The following MGST1 variants were observed in gnomAD, a reference collection of about 807,000 sequenced individuals.
MGST1 encodes microsomal glutathione S-transferase 1.
MGST1 carries 5 observed loss-of-function variants against 8.9 expected under a neutral mutation model. That is an observed-to-expected ratio of 0.56 (90% CI 0.29 to 1.19). The LOEUF (loss-of-function observed/expected upper bound fraction) is 1.19, where lower values mean the gene tolerates loss of function less well. Ranked by LOEUF, MGST1 falls within the 50% of genes most tolerant of loss-of-function variation. The pLI, the probability that MGST1 is intolerant of heterozygous loss-of-function variation, is 0.08. For synonymous variants in MGST1, 54 were observed against 67.8 expected (o/e 0.80, Z 1.00); for missense variants, 182 against 187.4 (o/e 0.97, Z 0.17).
chr12:16,530,249 T>G (rs565570142), intron 4 of MGST1, among the ~76,000 whole-genome samples: 5 of 152,286 alleles, frequency 3.3e-5, no homozygotes, highest in Admixed American at 6.5e-5. Flanking sequence ...GATTAAGTTT[T>G]TATCATAATA....
intron 1 of MGST1, among the ~76,000 whole-genome samples, chr12:16,388,177 C>T (rs538292643): frequency 6.6e-6 from 1 of 151,782 alleles, no homozygotes; most frequent in Admixed American, 6.6e-5. Context: ...TACTTTTGCA[C>T]CAACCATGTT....
chr12:16,475,460 T>A (rs1420595080), intron 4 of MGST1, among the ~76,000 whole-genome samples: 1 of 152,250 alleles, frequency 6.6e-6, no homozygotes, highest in Non-Finnish European at 1.5e-5. Flanking sequence ...TGATTCCCAT[T>A]GCTTTTGATG....
In MGST1 at chr12:16,497,551, AATTTC is replaced by A. The variant is rs1394109653; in HGVS notation, n.483-91969_483-91965del. ...GTAAACAGATATTTCAATTTCTATA[AATTTC>A]ATTTCATATTTTATGTCTCAGTGCA... is the stretch of plus-strand genomic sequence containing the variant. On this transcript the variant is annotated intron_variant and non_coding_transcript_variant, in intron 4 of 4. Transcript: ENST00000538857. The surrounding 1 kb of genome is among the most constrained non-coding windows in gnomAD (Gnocchi z 4.4). 2.0e-5 allele frequency among the ~76,000 whole-genome samples: 3 copies of A among 152,250 alleles called. No homozygotes were observed. Among genetic ancestry groups the A allele is most frequent in the Non-Finnish European group, 4.4e-5 (3 of 68,004 alleles).
intron 4 of MGST1, among the ~76,000 whole-genome samples, chr12:16,446,998 T>A (rs747991342): frequency 2.0e-5 from 3 of 151,944 alleles, no homozygotes; most frequent in Non-Finnish European, 4.4e-5. Context: ...CTTTGCAGCA[T>A]GCCTATTTCC....
At chr12:16,380,509 A>G (rs1340673623), downstream of MGST1, among the ~76,000 whole-genome samples, 1 of 152,058 alleles carries the variant, frequency 6.6e-6, no homozygotes, top group Non-Finnish European at 1.5e-5. Flanking sequence ...TCTGAGAGAC[A>G]GTTTGTTATA....
rs1040786212 is a variant in MGST1 at position 16,513,880 on chromosome 12, C to T, written n.483-75648C>T. ...CAAACCAACCTGGGGAAGTCGCACA[C>T]CCATCTTCAGGGATACTGGCATGCA... On this transcript the variant is annotated intron_variant and non_coding_transcript_variant, in intron 4 of 4. Transcript: ENST00000538857. The surrounding 1 kb of genome is among the most constrained non-coding windows in gnomAD (Gnocchi z 4.2). 9.9e-6 allele frequency: 6 copies of T among 606,250 alleles called. No homozygotes were observed. In the African/African-American group the frequency reaches 1.1e-4, roughly 11 times the overall value. 37.6% of individuals were successfully genotyped at this position (606,250 alleles called of 1,614,324 possible).
intron 1 of MGST1, among the ~76,000 whole-genome samples, chr12:16,388,159 A>C (rs1289133381): frequency 6.6e-6 from 1 of 151,840 alleles, no homozygotes; most frequent in East Asian, 2.0e-4. Context: ...GATGACAAAA[A>C]CTGCAATTAC....
At chr12:16,394,930 T>A (rs1940592098) in intron 1 of MGST1, among the ~76,000 whole-genome samples, 1 of 152,058 alleles carries the variant, frequency 6.6e-6, no homozygotes, top group African/African-American at 2.4e-5. Flanking sequence ...TCATAGTTTT[T>A]TTTATATACT....
At chr12:16,472,191 T>C (rs565423546) in intron 4 of MGST1, among the ~76,000 whole-genome samples, 33 of 152,316 alleles carry the variant, frequency 2.2e-4, no homozygotes, top group African/African-American at 7.9e-4. Flanking sequence ...TTGTGTAATC[T>C]TTCAGCCAAC....
rs139019287 is a variant in MGST1, at chr12:16,370,874, T to G, written c.222-5248T>G. ...AAATATGAATATCAAGATGTGGAAA[T>G]AATTATAGCAGAAAGCTTATAGCCT... On this transcript the variant is annotated intron_variant, in intron 3 of 3. Coordinates refer to the MGST1 transcript ENST00000535309. Among the ~76,000 whole-genome samples, 451 of 152,280 alleles carry G rather than the reference T, an allele frequency of 3.0e-3. 2 individuals carry two copies. The highest frequency in any genetic ancestry group is 9.5e-3 in the African/African-American group (395 of 41,550).
chr12:16,443,060 A>C (rs181135010), downstream of MGST1, among the ~76,000 whole-genome samples: 1 of 151,940 alleles, frequency 6.6e-6, no homozygotes, highest in Admixed American at 6.6e-5. Context: ...GAGCCATACA[A>C]GTTTAGGGTT....
intron 4 of MGST1, among the ~76,000 whole-genome samples, chr12:16,479,862 C>T (rs914809984): frequency 5.9e-5 from 9 of 152,054 alleles, no homozygotes; most frequent in African/African-American, 2.2e-4. Flanking sequence ...AGGTTCACAG[C>T]AAAACAGAGT....
intron 4 of MGST1, among the ~76,000 whole-genome samples, chr12:16,474,610 A>C (rs900814272): frequency 6.6e-6 from 1 of 152,158 alleles, no homozygotes; most frequent in Non-Finnish European, 1.5e-5. Context: ...CACTGAACAC[A>C]CAAATTCATA....
intron 3 of MGST1, among the ~76,000 whole-genome samples, chr12:16,360,023 A>G (rs184565756): frequency 2.0e-5 from 3 of 152,330 alleles, no homozygotes; most frequent in Admixed American, 2.0e-4. Context: ...AATTGACCCC[A>G]GTTCTGTAAA....
At chr12:16,510,131 A>G (rs1218096163) in intron 4 of MGST1, among the ~76,000 whole-genome samples, 1 of 152,200 alleles carries the variant, frequency 6.6e-6, no homozygotes, top group Non-Finnish European at 1.5e-5. Context: ...CTTCTTGCTG[A>G]CTTCTACGTC....
intron 4 of MGST1, among the ~76,000 whole-genome samples, chr12:16,467,192 T>C (rs1398396694): frequency 6.6e-6 from 1 of 152,196 alleles, no homozygotes; most frequent in Non-Finnish European, 1.5e-5. Flanking sequence ...GAAAGATGCA[T>C]TGCATGAAAG....
intron 4 of MGST1, among the ~76,000 whole-genome samples, chr12:16,464,043 C>T (rs568698439): frequency 2.0e-5 from 3 of 152,244 alleles, no homozygotes; most frequent in South Asian, 2.1e-4. Flanking sequence ...TTTCATTACT[C>T]GTTGACTATT....
chr12:16,527,985 A>G (rs754520050), intron 4 of MGST1, among the ~76,000 whole-genome samples: 1 of 152,038 alleles, frequency 6.6e-6, no homozygotes, highest in Non-Finnish European at 1.5e-5. Flanking sequence ...TTGCAGAGCC[A>G]GGCAATATGT....
At chr12:16,545,206 T>G (rs1457159344) in intron 4 of MGST1, among the ~76,000 whole-genome samples, 1 of 152,106 alleles carries the variant, frequency 6.6e-6, no homozygotes, top group African/African-American at 2.4e-5. Flanking sequence ...TCTGATTTAT[T>G]AAATTTACAA....
Sources: gnomAD v4.1 joint callset for allele counts (sites outside exome capture counted in the v4.1 genomes callset) on GRCh38, gnomAD v4.1.1 for gene constraint, Gnocchi (gnomAD v3.1) non-coding constraint, MANE v1.5 for transcripts, NCBI Gene and HGNC (gene_info 2026-07-23, HGNC 2026-07-21) for gene names.